Variants in IL17RA observed in about 807,000 individuals in gnomAD.
The protein encoded by IL17RA is interleukin 17 receptor A, also known as interleukin-17 receptor A.
A neutral mutation model predicts 50.4 loss-of-function variants in IL17RA; 34 were observed. That is an observed-to-expected ratio of 0.67 (90% CI 0.51 to 0.90). The LOEUF (loss-of-function observed/expected upper bound fraction) is 0.90, where lower values mean the gene tolerates loss of function less well. Among genes scored for constraint, IL17RA ranks in the 40% least tolerant of loss-of-function variants. The probability of loss-of-function intolerance (pLI) is 0.00; values close to 1 mark genes in which losing one functional copy is unlikely to be tolerated. For missense variants in IL17RA, 1,276 were observed against 1,169.8 expected (o/e 1.09, Z -1.32); for synonymous variants, 585 against 510.4 (o/e 1.15, Z -1.97).
rs1568917407 is a variant in IL17RA, at chr22:17,094,671, C to CTA, written c.139-2390_139-2389insAT. 4.4e-4 allele frequency among the ~76,000 whole-genome samples: 18 copies of CTA among 40,758 alleles called. 1 individual carries two copies. Among genetic ancestry groups the CTA allele is most frequent in the African/African-American group, 9.0e-4 (8 of 8,902 alleles). The allele number at this position is 40,758 out of a possible 152,430, so 26.7% of individuals were successfully genotyped here. A position where few individuals can be genotyped will look rare whatever the true frequency, so the allele number is the denominator to read the frequency against. ...TCATACACACACTCTCTCTCTCTCT[C>CTA]TCTCTCTCTCTCTCTCTCTCTATAT... On this transcript the variant is annotated intron_variant, in intron 1 of 12. Transcript: ENST00000319363.
Position 17,105,864 on chromosome 22 carries a change from C to CTGTGGG in IL17RA, c.959_964dup (p.Trp320_Val321dup), listed in dbSNP as rs1195245926. ...TCTGCTCACCGCAGACTACATGCCC[C>CTGTGGG]TGTGGGTGTACTGGTTCATCACGGG... On this transcript the variant is annotated inframe_insertion, in exon 11 of 13. Transcript: ENST00000319363. The CTGTGGG allele has an allele frequency of 3.7e-6, 6 of 1,613,890 alleles. No homozygotes were observed. Among genetic ancestry groups the CTGTGGG allele is most frequent in the Non-Finnish European group, 5.1e-6 (6 of 1,179,926 alleles).
chr22:17,099,763 G>C (rs2061383048), intron 4 of IL17RA, among the ~76,000 whole-genome samples: 1 of 152,158 alleles, frequency 6.6e-6, no homozygotes, highest in East Asian at 1.9e-4. Flanking sequence ...AGGGTAACTA[G>C]AATGGGGGTT....
At chr22:17,086,720 T>G (rs1037458645) in intron 1 of IL17RA, among the ~76,000 whole-genome samples, 7 of 152,206 alleles carry the variant, frequency 4.6e-5, no homozygotes, top group African/African-American at 1.7e-4. Flanking sequence ...AAAGAAAAAT[T>G]GCTTCCAGTT....
At chr22:17,087,888 C>T (rs376039747) in intron 1 of IL17RA, among the ~76,000 whole-genome samples, 4 of 152,240 alleles carry the variant, frequency 2.6e-5, no homozygotes, top group Non-Finnish European at 1.5e-5. Flanking sequence ...GTCTTTTTTC[C>T]TGAGCGTTTG....
Position 17,113,682 on chromosome 22 carries a change from G to C in IL17RA, c.*3862G>C, listed in dbSNP as rs949014546. On this transcript the variant is annotated 3_prime_UTR_variant, in exon 13 of 13. Coordinates refer to ENST00000319363, the MANE Select transcript of IL17RA (RefSeq NM_014339.7). ...CCCTGCCAGCTGGGACTCCAGCAAG[G>C]CCCGGGGCACCTGAGGACAGAGTGA... 6.6e-6 allele frequency: 1 copy of C among 152,390 alleles called. No homozygotes were observed. The highest frequency in any genetic ancestry group is 2.1e-4 in the South Asian group (1 of 4,828). The allele number at this position is 152,390 out of a possible 1,614,324, so 9.4% of individuals were successfully genotyped here.
chr22:17,105,933 T>C lies in IL17RA; in HGVS notation c.1024T>C (p.Cys342Arg). 6.2e-7 allele frequency: 1 copy of C among 1,614,114 alleles called. No homozygotes were observed. Among genetic ancestry groups the C allele is most frequent in the Non-Finnish European group, 8.5e-7 (1 of 1,179,990 alleles). Residue 342 changes from cysteine to arginine, a missense_variant, in exon 11 of 13, where the codon TGC becomes CGC. Cys to Arg is a radical substitution (Grantham distance 180). Coordinates refer to ENST00000319363, the MANE Select transcript of IL17RA (RefSeq NM_014339.7). The part of the protein sequence containing the change: ...LVGSVILLIV[C>R]MTWRLAGPGS... ...GGGCTCCGTCATCCTGCTCATCGTC[T>C]GCATGACCTGGAGGCTAGCTGGTAA...
In IL17RA at chr22:17,100,568, C is replaced by T. The variant is rs1322216277; in HGVS notation, c.550+87C>T. ...TGGCACAGATGCCAGCCCCCCTGCTCAGCAAGACATTGGCTGGCATTGCCA... is the reference window on the plus strand; with the variant it reads ...TGGCACAGATGCCAGCCCCCCTGCTTAGCAAGACATTGGCTGGCATTGCCA... On this transcript the variant is annotated intron_variant, in intron 5 of 12. Transcript: ENST00000319363. 5.2e-6 allele frequency: 8 copies of T among 1,532,666 alleles called. No individual in the cohort carries two copies. In the African/African-American group the frequency reaches 9.5e-5, roughly 18 times the overall value. 94.9% of individuals were successfully genotyped at this position (1,532,666 alleles called of 1,614,324 possible).
intron 1 of IL17RA, among the ~76,000 whole-genome samples, chr22:17,092,797 C>T (rs762436115): frequency 1.1e-4 from 17 of 152,096 alleles, no homozygotes; most frequent in Non-Finnish European, 2.5e-4. Flanking sequence ...GAAATCTAGT[C>T]AATCATATTT....
chr22:17,087,153 A>G (rs1210285272), intron 1 of IL17RA, among the ~76,000 whole-genome samples: 1 of 152,232 alleles, frequency 6.6e-6, no homozygotes, highest in East Asian at 1.9e-4. Context: ...TTTTAAAAAG[A>G]AAGAAAACAC....
In IL17RA at chr22:17,085,033, GAA is replaced by G; in HGVS notation, c.-58_-57del. On this transcript the variant is annotated 5_prime_UTR_variant, in exon 1 of 13. Transcript: ENST00000319363. The stretch of plus-strand genomic sequence containing the variant: ...CTCCACCGCGGAAAAGAAAGCCTCA[GAA>G]CGTTCGTTCGCTGCGTCCCCAGCCG... The G allele has an allele frequency of 1.5e-6, 2 of 1,297,306 alleles. No individual in the cohort carries two copies. Among genetic ancestry groups the G allele is most frequent in the South Asian group, 4.5e-5 (2 of 43,958 alleles). 80.4% of individuals were successfully genotyped at this position (1,297,306 alleles called of 1,614,324 possible).
intron 3 of IL17RA, among the ~76,000 whole-genome samples, chr22:17,098,505 T>C (rs1302648782): frequency 2.0e-5 from 3 of 152,290 alleles, no homozygotes; most frequent in African/African-American, 7.2e-5. Flanking sequence ...CCATGCCAGA[T>C]TGTCAAAGCC....
At position 17,113,370 on chromosome 22, in the gene IL17RA, T is replaced by C. The variant is rs574796758; in HGVS notation, c.*3550T>C. On this transcript the variant is annotated 3_prime_UTR_variant, in exon 13 of 13. Coordinates refer to ENST00000319363, the MANE Select transcript of IL17RA (RefSeq NM_014339.7). ...ACTGTGCCCGGCTAATTTGTGTGTA[T>C]ATATTTTGTAGAAATGGGGTTTCAC... The C allele has an allele frequency of 4.6e-5, 7 of 152,344 alleles. No individual in the cohort carries two copies. Among genetic ancestry groups the C allele is most frequent in the Non-Finnish European group, 8.8e-5 (6 of 68,046 alleles). The allele number at this position is 152,344 out of a possible 1,614,324, so 9.4% of individuals were successfully genotyped here.
At chr22:17,097,157 A>T in intron 2 of IL17RA, 71 bp downstream of exon 2, 1 of 1,446,222 alleles carries the variant, frequency 6.9e-7, no homozygotes, top group Non-Finnish European at 9.7e-7. Context: ...CCAACTTCTG[A>T]CAGAAGTCTT....
At chr22:17,090,579 G>T (rs1436777105) in intron 1 of IL17RA, among the ~76,000 whole-genome samples, 1 of 152,104 alleles carries the variant, frequency 6.6e-6, no homozygotes, top group African/African-American at 2.4e-5. Context: ...TAATTCTTCT[G>T]AGATATACCT....
chr22:17,091,504 G>A (rs41327945), intron 1 of IL17RA, among the ~76,000 whole-genome samples: 344 of 151,020 alleles, frequency 2.3e-3, no homozygotes, highest in African/African-American at 8.2e-3. Context: ...GTGAAACCCC[G>A]TCTCTACTAA....
intron 1 of IL17RA, among the ~76,000 whole-genome samples, chr22:17,095,834 G>T (rs2061366547): frequency 6.6e-6 from 1 of 152,160 alleles, no homozygotes; most frequent in African/African-American, 2.4e-5. Context: ...ATGAACTGGG[G>T]TCCCAGAGAA....
intron 1 of IL17RA, among the ~76,000 whole-genome samples, chr22:17,087,065 C>A (rs1230636039): frequency 6.6e-6 from 1 of 152,226 alleles, no homozygotes; most frequent in African/African-American, 2.4e-5. Context: ...TCCTTCCTCT[C>A]TCTCTCTTCT....
At chr22:17,094,668 T>TCTCTCTCTCTCTCTCTCTCTCC (rs1568917393) in intron 1 of IL17RA, among the ~76,000 whole-genome samples, 14 of 34,390 alleles carry the variant, frequency 4.1e-4, no homozygotes, top group African/African-American at 1.5e-3. Context: ...TCTCTCTCTC[T>TCTCTCTCTCTCTCTCTCTCTCC]CTCTCTCTCT....
At chr22:17,093,355 C>A (rs893855133) in intron 1 of IL17RA, among the ~76,000 whole-genome samples, 2 of 152,004 alleles carry the variant, frequency 1.3e-5, no homozygotes, top group African/African-American at 4.8e-5. Context: ...GATCAGAGCA[C>A]GGAAAGAGAG....
Sources: allele counts gnomAD v4.1 joint callset (sites outside exome capture counted in the v4.1 genomes callset), GRCh38; gene constraint gnomAD v4.1.1; transcripts MANE v1.5; gene names NCBI Gene and HGNC (gene_info 2026-07-23, HGNC 2026-07-21).